The following PTK2B variants were observed in gnomAD, a reference collection of about 807,000 sequenced individuals.
PTK2B encodes the protein protein tyrosine kinase 2 beta.
A neutral mutation model predicts 142.9 loss-of-function variants in PTK2B; 71 were observed. The observed-to-expected ratio is 0.50, with a 90% confidence interval of 0.41 to 0.61. The LOEUF (loss-of-function observed/expected upper bound fraction) is 0.61, where lower values mean the gene tolerates loss of function less well. Ranked by LOEUF, PTK2B falls within the 20% of genes least tolerant of loss-of-function variation. The pLI is 0.00. For synonymous variants in PTK2B, 519 were observed against 503.4 expected, an observed-to-expected ratio of 1.03 and a Z score of -0.42; for missense variants, 1,105 against 1,320.4, an observed-to-expected ratio of 0.84 and a Z score of 2.53.
At chr8:27,415,064 G>T (rs1809316810) in intron 2 of PTK2B, among the ~76,000 whole-genome samples, 1 of 152,206 alleles carries the variant, frequency 6.6e-6, no homozygotes, top group Non-Finnish European at 1.5e-5. Flanking sequence ...ATATTTTGTT[G>T]TTTGGGGGGC....
At chr8:27,397,374 G>A (rs372671292) in intron 1 of PTK2B, 174 bp from the exon 2 acceptor site, 18 of 589,490 alleles carry the variant, frequency 3.1e-5, no homozygotes, top group African/African-American at 3.0e-4. Context: ...GCCCCTTTCT[G>A]CTGCATCTTT....
intron 15 of PTK2B, 96 bp from the exon 16 acceptor site, chr8:27,437,026 C>G (rs1284091989): frequency 2.5e-6 from 3 of 1,193,610 alleles, no homozygotes; most frequent in East Asian, 4.7e-5. Flanking sequence ...CCTTTCCTGG[C>G]AGCAAAATCT....
rs530023720 is a variant in PTK2B, at chr8:27,441,802, G to T, written c.2040-1073G>T. 1.1e-4 allele frequency among the ~76,000 whole-genome samples: 17 copies of T among 152,322 alleles called. 1 individual carries two copies. In the South Asian group the frequency reaches 3.5e-3, roughly 32 times the overall value. ...GTAATTTGGGAGGTTAAAAGCCCTG[G>T]GGGGATGGAGCTGGGAGTCCTGATT... On this transcript the variant is annotated intron_variant, in intron 21 of 30. Transcript: ENST00000346049.
At chr8:27,356,080 C>T (rs1416444261) in intron 1 of PTK2B, among the ~76,000 whole-genome samples, 4 of 151,996 alleles carry the variant, frequency 2.6e-5, no homozygotes, top group Non-Finnish European at 4.4e-5. Context: ...ACCTTGGAGC[C>T]GTCTGAGAGC....
intron 24 of PTK2B, among the ~76,000 whole-genome samples, chr8:27,446,197 C>G (rs529936438): frequency 6.6e-6 from 1 of 152,244 alleles, no homozygotes; most frequent in African/African-American, 2.4e-5. Flanking sequence ...AAATCTCCCC[C>G]TCTCCTGAGC....
At chr8:27,421,278 C>CTATTTATTTATT (rs59319424) in intron 4 of PTK2B, among the ~76,000 whole-genome samples, 1 of 147,072 alleles carries the variant, frequency 6.8e-6, no homozygotes, top group Admixed American at 6.8e-5. Context: ...TAGCACTTAC[C>CTATTTATTTATT]TATTTATTTA....
chr8:27,412,306 C>T (rs1031774644), intron 2 of PTK2B, among the ~76,000 whole-genome samples: 2 of 152,196 alleles, frequency 1.3e-5, no homozygotes, highest in Non-Finnish European at 2.9e-5. Context: ...TCCAGCATTG[C>T]AGCCCCCATC....
chr8:27,346,137 A>ACAGGTAGTTTGCCCTCAT (rs1244972918), intron 1 of PTK2B, among the ~76,000 whole-genome samples: 4 of 152,202 alleles, frequency 2.6e-5, no homozygotes, highest in Admixed American at 1.3e-4. Flanking sequence ...GGCATATGTT[A>ACAGGTAGTTTGCCCTCAT]CAGGTAGTTT....
chr8:27,436,283 G>C lies in PTK2B; in HGVS notation c.1276G>C (p.Val426Leu), dbSNP rs1166694077. Residue 426 changes from valine (V) to leucine (L), a missense_variant, in exon 15 of 31, where the codon GTC (valine) becomes CTC (leucine). By Grantham distance (32) the Val-to-Leu change is conservative (BLOSUM62 1). Transcript: ENST00000346049. ...PQYGIAREDV[V>L]LNRILGEGFF... ...GTATGGCATTGCCCGTGAAGATGTG[G>C]TCCTGAATCGTATTCTTGGGGAAGG... 1.3e-5 allele frequency: 21 copies of C among 1,614,200 alleles called. No homozygotes were observed. In the Middle Eastern group the frequency reaches 5.0e-4, roughly 38 times the overall value.
chr8:27,346,254 T>C (rs1480165259), intron 1 of PTK2B, among the ~76,000 whole-genome samples: 1 of 152,188 alleles, frequency 6.6e-6, no homozygotes, highest in Non-Finnish European at 1.5e-5. Context: ...CTTGCTTTCT[T>C]TGCGGGGTGC....
chr8:27,414,148 A>G (rs1164807049), intron 2 of PTK2B, among the ~76,000 whole-genome samples: 3 of 152,208 alleles, frequency 2.0e-5, no homozygotes, highest in Non-Finnish European at 4.4e-5. Flanking sequence ...CCCTGGAATC[A>G]GCCATTTCTG....
At chr8:27,450,725 C>T (rs999189023) in intron 24 of PTK2B, 24 bp from the exon 25 acceptor site, 11 of 1,613,862 alleles carry the variant, frequency 6.8e-6, no homozygotes, top group Non-Finnish European at 9.3e-6. Context: ...TGCATCCTCT[C>T]CCTTCTCTCT....
At chr8:27,422,224 C>T in intron 4 of PTK2B, 80 bp from the exon 5 acceptor site, 1 of 1,354,480 alleles carries the variant, frequency 7.4e-7, no homozygotes, top group Admixed American at 2.2e-5. Flanking sequence ...CAGAATGAGG[C>T]CCTTAATCTT....
chr8:27,352,519 G>T (rs1805158451), intron 1 of PTK2B, among the ~76,000 whole-genome samples: 1 of 152,174 alleles, frequency 6.6e-6, no homozygotes, highest in Non-Finnish European at 1.5e-5. Flanking sequence ...ACTTCTTTTT[G>T]CTATAGAATC....
chr8:27,335,368 A>G (rs1209290506), intron 1 of PTK2B, among the ~76,000 whole-genome samples: 1 of 152,178 alleles, frequency 6.6e-6, no homozygotes. Flanking sequence ...CAAGGCGGGC[A>G]GATCACCTGA....
At chr8:27,358,597 A>T (rs995017552) in intron 1 of PTK2B, among the ~76,000 whole-genome samples, 17 of 152,126 alleles carry the variant, frequency 1.1e-4, no homozygotes, top group African/African-American at 4.1e-4. Flanking sequence ...CTGGATTTTT[A>T]AAAAATTAAG....
intron 3 of PTK2B, 22 bp from the exon 4 acceptor site, chr8:27,420,635 G>C (rs374192806): frequency 6.2e-7 from 1 of 1,607,500 alleles, no homozygotes. Context: ...GTGTCAACCA[G>C]AGCCTGAATG....
At chr8:27,437,074 C>G in intron 15 of PTK2B, 48 bp from the exon 16 acceptor site, 2 of 1,566,846 alleles carry the variant, frequency 1.3e-6, no homozygotes, top group Non-Finnish European at 1.8e-6. Context: ...GAACATTCTG[C>G]TGAGCACTGG....
intron 1 of PTK2B, among the ~76,000 whole-genome samples, chr8:27,362,206 C>G (rs975502806): frequency 1.3e-5 from 2 of 152,174 alleles, no homozygotes; most frequent in African/African-American, 4.8e-5. Flanking sequence ...AAGTTAGAGC[C>G]TCAGGGCAGC....
Sources: gnomAD v4.1 joint callset for allele counts (sites outside exome capture counted in the v4.1 genomes callset) on GRCh38, gnomAD v4.1.1 for gene constraint, MANE v1.5 for transcripts, NCBI Gene and HGNC (gene_info 2026-07-23, HGNC 2026-07-21) for gene names.